The following NKPD1 variants were observed in gnomAD, a reference collection of about 807,000 sequenced individuals.
NKPD1 encodes NTPase KAP family P-loop domain containing 1.
A neutral mutation model predicts 42.2 loss-of-function variants in NKPD1; 37 were observed. That is an observed-to-expected ratio of 0.88 (90% CI 0.67 to 1.15). The LOEUF (loss-of-function observed/expected upper bound fraction) is 1.15, where lower values mean the gene tolerates loss of function less well. Among genes scored for constraint, NKPD1 ranks in the 50% most tolerant of loss-of-function variants. NKPD1 has a pLI of 0.00. For synonymous variants in NKPD1, 552 were observed against 536.5 expected (o/e 1.03, Z -0.40); for missense variants, 1,113 against 1,174.6 (o/e 0.95, Z 0.77).
chr19:45,158,819 GA>G lies in NKPD1; in HGVS notation c.372del (p.Gln125ArgfsTer27). The G allele has an allele frequency of 7.9e-7, 1 of 1,273,198 alleles. No individual in the cohort carries two copies. Among genetic ancestry groups the G allele is most frequent in the Non-Finnish European group, 1.0e-6 (1 of 974,526 alleles). 78.9% of individuals were successfully genotyped at this position (1,273,198 alleles called of 1,614,324 possible). ...STVPKEPASAPQAPTLPTTAP... is the reference protein window; with the variant it reads ...STVPKEPASAXQAPTLPTTAP... ...GCCGTGGTGGGTAAGGTGGGCGCCT[GA>G]GGGGCGCTGGCAGGTTCCTTGGGGA... On this transcript the variant is annotated frameshift_variant, in exon 3 of 5. Coordinates refer to ENST00000686631, the MANE Select transcript of NKPD1 (RefSeq NM_198478.4). LOFTEE classifies it high-confidence loss of function. This position sits in a 1 kb window ranked among gnomAD's most constrained non-coding sequence, Gnocchi z 4.6.
In NKPD1 at chr19:45,153,697, C is replaced by T; in HGVS notation, c.740G>A (p.Gly247Asp). Residue 247 changes from glycine (G) to aspartate (D), a missense_variant, in exon 5 of 5, where the codon GGC becomes GAC. By Grantham distance (94) the Gly-to-Asp change is moderately conservative. Transcript: ENST00000686631. ...CCACAGTAGCTGCGGGACGCCCCAG[C>T]CGCTCACGGCACGCGGCCGCCACTG... ...HVQWRPRAVS[G>D]WGVPQLLWYL... The T allele has an allele frequency of 6.5e-7, 1 of 1,542,272 alleles. No homozygotes were observed.
In NKPD1 at chr19:45,153,267, C is replaced by A. The variant is rs771369898; in HGVS notation, c.1170G>T (p.Ser390=). 2.5e-5 allele frequency: 40 copies of A among 1,601,688 alleles called. 2 individuals carry two copies. The South Asian group carries it at 4.1e-4, about 17-fold the overall frequency. ...CCGAGTACACGGCCATGAGCAGCCC[C>A]GAGCCCGACAGTGTGGTGGCCGCGC... ...FGGAATTLSG[S]GLLMAVYSVG... is the part of the protein sequence containing the mutation. Residue 390 remains serine (S), a synonymous_variant, in exon 5 of 5, where the codon TCG becomes TCT. Coordinates refer to ENST00000686631, the MANE Select transcript of NKPD1 (RefSeq NM_198478.4).
rs1599724627 is a variant in NKPD1 at position 45,158,376 on chromosome 19, G to C, written c.529+287C>G. Among the ~76,000 whole-genome samples, 1 of 152,378 alleles carries C rather than the reference G, an allele frequency of 6.6e-6. No individual in the cohort carries two copies. Among genetic ancestry groups the C allele is most frequent in the Middle Eastern group, 3.4e-3 (1 of 294 alleles). ...AGGGAGCTGAGAAGAGACCAGAGCA[G>C]AGCCAGGGTGTCGGCAGAGGGAAAG... On this transcript the variant is annotated intron_variant, in intron 3 of 4. Transcript: ENST00000686631. This position sits in a 1 kb window ranked among gnomAD's most constrained non-coding sequence, Gnocchi z 4.6.
In NKPD1 at chr19:45,152,377, C is replaced by T; in HGVS notation, c.2060G>A (p.Arg687His). 1.3e-6 allele frequency: 2 copies of T among 1,588,776 alleles called. No homozygotes were observed. The highest frequency in any genetic ancestry group is 1.7e-5 in the Admixed American group (1 of 57,352). Residue 687 changes from arginine (R) to histidine (H), a missense_variant, in exon 5 of 5, where the codon CGC becomes CAC. Physicochemically the swap from Arg to His is conservative, Grantham distance 29 (BLOSUM62 0). Transcript: ENST00000686631. The part of the protein sequence containing the change: ...RQQTGGAPEG[R>H]ARLWDVFRDN... Reference sequence around the variant, plus strand: ...GCGGAAAACGTCCCAGAGGCGCGCGCGGCCCTCGGGCGCGCCCCCGGTCTG... The same window carrying T: ...GCGGAAAACGTCCCAGAGGCGCGCGTGGCCCTCGGGCGCGCCCCCGGTCTG...
At chr19:45,157,333 G>GACA (rs1968922251) in intron 3 of NKPD1, among the ~76,000 whole-genome samples, 1 of 152,172 alleles carries the variant, frequency 6.6e-6, no homozygotes, top group South Asian at 2.1e-4. Flanking sequence ...GGCCCAGCCT[G>GACA]ACAACCCGAT....
In NKPD1 at chr19:45,152,427, C is replaced by A. The variant is rs755530049; in HGVS notation, c.2010G>T (p.Ala670=). 2 of 1,566,630 alleles carry A rather than the reference C, an allele frequency of 1.3e-6. No homozygotes were observed. Among genetic ancestry groups the A allele is most frequent in the East Asian group, 4.8e-5 (2 of 41,492 alleles). ...GCTGCCGGTCCTCCAGGCACTGCAG[C>A]GCCCAGCTCAGGCGGCACGGCCACT... ...ANQWPCRLSW[A]LQCLEDRQQT... The change falls in exon 5 of 5, where the codon GCG becomes GCT. Residue 670 remains alanine, a synonymous_variant. Transcript: ENST00000686631.
Position 45,158,628 on chromosome 19 carries a change from G to A in NKPD1, c.529+35C>T. Reference sequence around the variant, plus strand: ...AGGTGGGAAGTGAGGCGGCAGGAGTGGGGACAGGGCCCCCAAGAAGGCCAG... The same window carrying A: ...AGGTGGGAAGTGAGGCGGCAGGAGTAGGGACAGGGCCCCCAAGAAGGCCAG... On this transcript the variant is annotated intron_variant, in intron 3 of 4. Coordinates refer to ENST00000686631, the MANE Select transcript of NKPD1 (RefSeq NM_198478.4). This position sits in a 1 kb window ranked among gnomAD's most constrained non-coding sequence, Gnocchi z 4.6. The A allele has an allele frequency of 8.7e-7, 1 of 1,154,264 alleles. No individual in the cohort carries two copies. Among genetic ancestry groups the A allele is most frequent in the Non-Finnish European group, 1.1e-6 (1 of 926,388 alleles). The allele number at this position is 1,154,264 out of a possible 1,614,324, so 71.5% of individuals were successfully genotyped here. A position where few individuals can be genotyped will look rare whatever the true frequency, so the allele number is the denominator to read the frequency against.
rs543761104 is a variant in NKPD1, at chr19:45,158,842, G to A, written c.350C>T (p.Pro117Leu). The A allele has an allele frequency of 7.8e-7, 1 of 1,281,954 alleles. No homozygotes were observed. Among genetic ancestry groups the A allele is most frequent in the Non-Finnish European group, 1.0e-6 (1 of 978,400 alleles). The allele number at this position is 1,281,954 out of a possible 1,614,324, so 79.4% of individuals were successfully genotyped here. A position where few individuals can be genotyped will look rare whatever the true frequency, so the allele number is the denominator to read the frequency against. Residue 117 changes from proline to leucine, a missense_variant, in exon 3 of 5, where the codon CCC (proline) becomes CTC (leucine). Pro to Leu is a moderately conservative substitution (Grantham distance 98). Coordinates refer to ENST00000686631, the MANE Select transcript of NKPD1 (RefSeq NM_198478.4). This position sits in a 1 kb window ranked among gnomAD's most constrained non-coding sequence, Gnocchi z 4.6. ...QKGLPATSTV[P>L]KEPASAPQAP... is the part of the protein sequence containing the mutation. Reference sequence around the variant, plus strand: ...CTGAGGGGCGCTGGCAGGTTCCTTGGGGACAGTGGAGGTTGCAGGCAGCCC... The same window carrying A: ...CTGAGGGGCGCTGGCAGGTTCCTTGAGGACAGTGGAGGTTGCAGGCAGCCC...
Position 45,160,076 on chromosome 19 carries a change from C to A in NKPD1, c.75G>T (p.Glu25Asp), listed in dbSNP as rs1234435255. 2 of 1,304,564 alleles carry A rather than the reference C, an allele frequency of 1.5e-6. No homozygotes were observed. Among genetic ancestry groups the A allele is most frequent in the African/African-American group, 1.5e-5 (1 of 65,986 alleles). 80.8% of individuals were successfully genotyped at this position (1,304,564 alleles called of 1,614,324 possible). ...AACCCGTACCTTTTCGGTGCCCCAA[C>A]TCTGGGTCCCAGAAGTAGTGCCCGT... ...SPNGHYFWDP[E>D]LGHRKGCCHQ... The change falls in exon 2 of 5, where the codon GAG becomes GAT. Residue 25 changes from glutamate (E) to aspartate (D), a missense_variant. Physicochemically the swap from Glu to Asp is conservative, Grantham distance 45 (BLOSUM62 2). Coordinates refer to ENST00000686631, the MANE Select transcript of NKPD1 (RefSeq NM_198478.4).
intron 1 of NKPD1, among the ~76,000 whole-genome samples, 140 bp from the exon 2 acceptor site, chr19:45,160,361 G>A (rs1235593460): frequency 1.3e-5 from 2 of 152,186 alleles, no homozygotes; most frequent in African/African-American, 2.4e-5. Context: ...AGGGTACAGT[G>A]AGGGGCAGGA....
upstream of NKPD1, among the ~76,000 whole-genome samples, chr19:45,162,487 T>C (rs770415184): frequency 1.1e-4 from 16 of 152,066 alleles, no homozygotes; most frequent in Non-Finnish European, 2.1e-4. Flanking sequence ...AGTCCCCAGA[T>C]GCTACAGATG....
intron 4 of NKPD1, among the ~76,000 whole-genome samples, chr19:45,154,882 G>A (rs989848859): frequency 8.6e-5 from 13 of 152,008 alleles, no homozygotes; most frequent in Non-Finnish European, 8.8e-5. Context: ...AAAATTAGCC[G>A]GGCTTGGTGG....
chr19:45,152,966 GGATGAA>G lies in NKPD1; in HGVS notation c.1465_1470del (p.Phe489_Ile490del). On this transcript the variant is annotated inframe_deletion, in exon 5 of 5. Transcript: ENST00000686631. ...GCCAGGATGCTGGGGTCCACGACCA[GGATGAA>G]GATGAAGGGCGCGTGGCTGTCGGAC... 1 of 1,586,682 alleles carries G rather than the reference GGATGAA, an allele frequency of 6.3e-7. No individual in the cohort carries two copies. Among genetic ancestry groups the G allele is most frequent in the Non-Finnish European group, 8.6e-7 (1 of 1,165,592 alleles).
At chr19:45,155,405 C>G (rs1021787171) in intron 4 of NKPD1, among the ~76,000 whole-genome samples, 4 of 151,926 alleles carry the variant, frequency 2.6e-5, no homozygotes, top group Non-Finnish European at 5.9e-5. Flanking sequence ...GACCACCAAG[C>G]CTTAAGAGGT....
intron 2 of NKPD1, among the ~76,000 whole-genome samples, 177 bp downstream of exon 2, chr19:45,159,883 C>T (rs904056260): frequency 2.6e-5 from 4 of 152,258 alleles, no homozygotes; most frequent in South Asian, 2.1e-4. Flanking sequence ...TTTGGGCCCG[C>T]AGGCCCTGTG....
chr19:45,152,537 G>C lies in NKPD1; in HGVS notation c.1900C>G (p.Arg634Gly). ...RIVNTVPITV[R>G]LLQQQQQQGD... ...TGCTGCTGCTGCTGCTGCAGCAGGC[G>C]CACGGTGATGGGCACGGTGTTGACG... is the stretch of plus-strand genomic sequence containing the variant. Residue 634 changes from arginine to glycine, a missense_variant, in exon 5 of 5, where the codon CGC becomes GGC. This residue lies in a region of NKPD1 where 867 missense variants were observed against 870.1 expected (regional missense o/e 1.00). Transcript: ENST00000686631. 1 of 1,580,348 alleles carries C rather than the reference G, an allele frequency of 6.3e-7. No individual in the cohort carries two copies. Among genetic ancestry groups the C allele is most frequent in the Non-Finnish European group, 8.5e-7 (1 of 1,172,010 alleles).
chr19:45,153,687 G>T lies in NKPD1; in HGVS notation c.750C>A (p.Val250=). 1.3e-6 allele frequency: 2 copies of T among 1,552,246 alleles called. No homozygotes were observed. The highest frequency in any genetic ancestry group is 2.4e-5 in the East Asian group (1 of 41,856). The change falls in exon 5 of 5, where the codon GTC becomes GTA. Residue 250 remains valine (V), a synonymous_variant. Transcript: ENST00000686631. Reference sequence around the variant, plus strand: ...ACACCAGGTACCACAGTAGCTGCGGGACGCCCCAGCCGCTCACGGCACGCG... The same window carrying T: ...ACACCAGGTACCACAGTAGCTGCGGTACGCCCCAGCCGCTCACGGCACGCG... ...WRPRAVSGWG[V]PQLLWYLVFL...
In NKPD1 at chr19:45,152,894, C is replaced by G. The variant is rs1462624970; in HGVS notation, c.1543G>C (p.Gly515Arg). Residue 515 changes from glycine (G) to arginine (R), a missense_variant, in exon 5 of 5, where the codon GGC (glycine) becomes CGC (arginine). This residue lies in a region of NKPD1 where 867 missense variants were observed against 870.1 expected (regional missense o/e 1.00). Coordinates refer to ENST00000686631, the MANE Select transcript of NKPD1 (RefSeq NM_198478.4). ...ACAGTGCGGTTGAGGAAGAGGTAGC[C>G]GTTATCGGCCGTGCCCTTCATGTTG... ...AGNMKGTADN[G>R]YLFLNRTVTL... The G allele has an allele frequency of 1.3e-6, 2 of 1,581,714 alleles. No individual in the cohort carries two copies. Among genetic ancestry groups the G allele is most frequent in the African/African-American group, 1.3e-5 (1 of 74,348 alleles).
chr19:45,153,507 T>G lies in NKPD1; in HGVS notation c.930A>C (p.Ala310=). Residue 310 remains alanine (A), a synonymous_variant, in exon 5 of 5, where the codon GCA becomes GCC. Transcript: ENST00000686631. ...GCACCGAGTACACGCTGAAGGGCAG[T>G]GCGCCATAGTGGCGGCGGATGCCCT... ...LCEGIRRHYG[A]LPFSVYSVLG... 6.4e-7 allele frequency: 1 copy of G among 1,554,130 alleles called. No individual in the cohort carries two copies. The highest frequency in any genetic ancestry group is 8.7e-7 in the Non-Finnish European group (1 of 1,150,130).
Sources: gnomAD v4.1 joint callset for allele counts (sites outside exome capture counted in the v4.1 genomes callset) on GRCh38, gnomAD v4.1.1 for gene constraint, gnomAD v4.1.1 regional missense constraint, Gnocchi (gnomAD v3.1) non-coding constraint, MANE v1.5 for transcripts, NCBI Gene and HGNC (gene_info 2026-07-23, HGNC 2026-07-21) for gene names.